The following GADL1 variants were observed in gnomAD, a reference collection of about 807,000 sequenced individuals.
The protein encoded by GADL1 is GAD like acidic amino acid decarboxylase 1.
A neutral mutation model predicts 69.5 loss-of-function variants in GADL1; 71 were observed. The ratio of observed to expected loss-of-function variants is 1.02; its 90% confidence interval spans 0.84 to 1.25. The LOEUF (loss-of-function observed/expected upper bound fraction) is 1.25, where lower values mean the gene tolerates loss of function less well. Ranked by LOEUF, GADL1 falls within the 50% of genes most tolerant of loss-of-function variation. GADL1 has a pLI of 0.00. For synonymous variants in GADL1, 254 were observed against 214.4 expected, an observed-to-expected ratio of 1.18 and a Z score of -1.62; for missense variants, 737 against 631.8, an observed-to-expected ratio of 1.17 and a Z score of -1.79.
At chr3:30,861,134 C>T (rs1698314435) in intron 2 of GADL1, among the ~76,000 whole-genome samples, 1 of 151,922 alleles carries the variant, frequency 6.6e-6, no homozygotes. Flanking sequence ...TTTAGACAAG[C>T]TCTTCATAAG....
At chr3:30,776,782 G>A (rs1696550234) in intron 14 of GADL1, among the ~76,000 whole-genome samples, 1 of 152,102 alleles carries the variant, frequency 6.6e-6, no homozygotes, top group African/African-American at 2.4e-5. Flanking sequence ...GGAAGGCAAG[G>A]CTCCCATGAC....
chr3:30,787,647 A>G (rs1186728264), intron 12 of GADL1, among the ~76,000 whole-genome samples: 1 of 152,212 alleles, frequency 6.6e-6, no homozygotes, highest in Non-Finnish European at 1.5e-5. Context: ...TTCCAGTAAT[A>G]GTTATGATCC....
intron 9 of GADL1, among the ~76,000 whole-genome samples, chr3:30,834,507 C>T (rs1424892511): frequency 1.3e-5 from 2 of 152,040 alleles, no homozygotes; most frequent in African/African-American, 4.8e-5. Context: ...ATTATAAATT[C>T]ATGCATCATA....
chr3:30,816,093 C>CT (rs1419327538), intron 11 of GADL1, among the ~76,000 whole-genome samples: 1 of 152,084 alleles, frequency 6.6e-6, no homozygotes, highest in Non-Finnish European at 1.5e-5. Flanking sequence ...CAGGCCTGCA[C>CT]TGGACATGAG....
At chr3:30,800,806 GACACACAC>G (rs35529398) in intron 12 of GADL1, 75 bp downstream of exon 12, 171,830 of 707,232 alleles carry the variant, frequency 0.24, 4,574 homozygotes, top group Non-Finnish European at 0.27. Flanking sequence ...GACACAGATA[GACACACAC>G]ACACACACAC....
At chr3:30,851,148 G>C (rs1698140496) in intron 4 of GADL1, among the ~76,000 whole-genome samples, 1 of 152,162 alleles carries the variant, frequency 6.6e-6, no homozygotes, top group South Asian at 2.1e-4. Context: ...TGTGGCCTCA[G>C]GGATCTGCAA....
At chr3:30,770,751 TTTC>T (rs1696398009) in intron 14 of GADL1, among the ~76,000 whole-genome samples, 2 of 152,164 alleles carry the variant, frequency 1.3e-5, no homozygotes, top group Non-Finnish European at 2.9e-5. Context: ...TTATTTTAAT[TTTC>T]AAGAGATAGG....
At chr3:30,879,504 G>C (rs1426185912) in intron 1 of GADL1, among the ~76,000 whole-genome samples, 5 of 151,838 alleles carry the variant, frequency 3.3e-5, no homozygotes, top group Admixed American at 1.3e-4. Flanking sequence ...AAGTCTGCAA[G>C]GTGATCTCCT....
chr3:30,772,647 T>G (rs563447853), intron 14 of GADL1, among the ~76,000 whole-genome samples: 35 of 152,022 alleles, frequency 2.3e-4, no homozygotes, highest in Non-Finnish European at 4.9e-4. Flanking sequence ...GGGGCTGAGG[T>G]GGGTGAATCA....
chr3:30,726,595 C>A lies in GADL1; in HGVS notation c.*1647G>T, dbSNP rs1695370400. The A allele has an allele frequency of 6.6e-6, 1 of 151,756 alleles. No homozygotes were observed. Among genetic ancestry groups the A allele is most frequent in the Admixed American group, 6.6e-5 (1 of 15,222 alleles). The allele number at this position is 151,756 out of a possible 1,614,324, so 9.4% of individuals were successfully genotyped here. A position where few individuals can be genotyped will look rare whatever the true frequency, so the allele number is the denominator to read the frequency against. ...TAGAGATACCGAGAAACTGTGCACA[C>A]TAAAATGAAAATAAGCAATAAAAGC... On this transcript the variant is annotated 3_prime_UTR_variant, in exon 15 of 15. Coordinates refer to ENST00000282538, the MANE Select transcript of GADL1 (RefSeq NM_207359.3).
At chr3:30,867,073 T>A (rs1698414587) in intron 1 of GADL1, among the ~76,000 whole-genome samples, 1 of 152,010 alleles carries the variant, frequency 6.6e-6, no homozygotes, top group African/African-American at 2.4e-5. Context: ...CTGTGCCTGT[T>A]TTCTCATCTA....
At chr3:30,853,435 A>G (rs1698181799) in intron 4 of GADL1, among the ~76,000 whole-genome samples, 2 of 152,290 alleles carry the variant, frequency 1.3e-5, no homozygotes, top group South Asian at 4.1e-4. Flanking sequence ...CAATTACCAT[A>G]ATTTCACTGA....
chr3:30,868,977 G>A (rs184673884), intron 1 of GADL1, among the ~76,000 whole-genome samples: 6 of 151,746 alleles, frequency 4.0e-5, no homozygotes, highest in Admixed American at 1.3e-4. Flanking sequence ...CCCGTAGGCC[G>A]GTCCAAGAGA....
chr3:30,844,391 CATCT>C lies in GADL1; in HGVS notation c.723_726del (p.Asp242GlufsTer5). The C allele has an allele frequency of 1.2e-6, 2 of 1,611,598 alleles. No homozygotes were observed. Among genetic ancestry groups the C allele is most frequent in the Non-Finnish European group, 8.5e-7 (1 of 1,177,666 alleles). ...TCCAGATCCTGTTCCCATTACCTTCCATCTGTTTCCACAAAGCAAACATTCTCAG... is the reference window on the plus strand; with the variant it reads ...TCCAGATCCTGTTCCCATTACCTTCCGTTTCCACAAAGCAAACATTCTCAG... On this transcript the variant is annotated frameshift_variant, in exon 7 of 15. Coordinates refer to ENST00000282538, the MANE Select transcript of GADL1 (RefSeq NM_207359.3). LOFTEE classifies it high-confidence loss of function.
intron 1 of GADL1, among the ~76,000 whole-genome samples, chr3:30,887,060 C>A (rs749826339): frequency 6.6e-6 from 1 of 152,178 alleles, no homozygotes; most frequent in Non-Finnish European, 1.5e-5. Context: ...GGGCAGCATG[C>A]CCAAAGACAT....
intron 1 of GADL1, among the ~76,000 whole-genome samples, chr3:30,881,817 A>C (rs1364119308): frequency 6.6e-6 from 1 of 151,980 alleles, no homozygotes. Flanking sequence ...ACCTTTAAAT[A>C]CTATAAAAAG....
At chr3:30,832,771 C>T (rs1697813550) in intron 11 of GADL1, among the ~76,000 whole-genome samples, 1 of 151,948 alleles carries the variant, frequency 6.6e-6, no homozygotes, top group Admixed American at 6.6e-5. Flanking sequence ...ATAGTCATAC[C>T]ACAATTTTGA....
chr3:30,786,638 A>G (rs968043482), intron 12 of GADL1, among the ~76,000 whole-genome samples: 8 of 152,324 alleles, frequency 5.3e-5, no homozygotes, highest in South Asian at 4.1e-4. Flanking sequence ...ACATGTTAGC[A>G]TCAGGCTTTA....
At chr3:30,743,339 C>G (rs1414433254) in intron 14 of GADL1, among the ~76,000 whole-genome samples, 1 of 152,172 alleles carries the variant, frequency 6.6e-6, no homozygotes, top group Non-Finnish European at 1.5e-5. Context: ...CATTTTATAA[C>G]TCCAGCAAAT....
Sources: allele counts gnomAD v4.1 joint callset (sites outside exome capture counted in the v4.1 genomes callset), GRCh38; gene constraint gnomAD v4.1.1; transcripts MANE v1.5; gene names NCBI Gene and HGNC (gene_info 2026-07-23, HGNC 2026-07-21).